Variants in TRPC3 observed in about 807,000 individuals in gnomAD.
TRPC3 encodes transient receptor potential cation channel subfamily C member 3, also known as short transient receptor potential channel 3.
Under a neutral mutation model 90.9 loss-of-function variants are expected in TRPC3, and 54 were observed. That is an observed-to-expected ratio of 0.59 (90% CI 0.48 to 0.75). TRPC3 has a LOEUF of 0.75. Among genes scored for constraint, TRPC3 ranks in the 30% least tolerant of loss-of-function variants. The pLI, the probability that TRPC3 is intolerant of heterozygous loss-of-function variation, is 0.00. For missense variants in TRPC3, 918 were observed against 1,194.5 expected, an observed-to-expected ratio of 0.77 and a Z score of 3.41; for synonymous variants, 424 against 450.9, an observed-to-expected ratio of 0.94 and a Z score of 0.75.
At chr4:121,914,384 C>T (rs1010551565) in intron 4 of TRPC3, among the ~76,000 whole-genome samples, 1 of 152,216 alleles carries the variant, frequency 6.6e-6, no homozygotes, top group Non-Finnish European at 1.5e-5. Context: ...TAGTTCCCAG[C>T]GTAACTGTTT....
intron 3 of TRPC3, among the ~76,000 whole-genome samples, chr4:121,919,200 C>T (rs574308142): frequency 7.9e-5 from 12 of 152,212 alleles, no homozygotes; most frequent in South Asian, 4.2e-4. Flanking sequence ...TCAGGGCAGG[C>T]TAGGGAAAAC....
chr4:121,923,210 A>G (rs1204298459), intron 3 of TRPC3, among the ~76,000 whole-genome samples: 1 of 152,132 alleles, frequency 6.6e-6, no homozygotes, highest in African/African-American at 2.4e-5. Flanking sequence ...CAGGATGCAG[A>G]GCATCCTTTC....
intron 5 of TRPC3, 139 bp from the exon 6 acceptor site, chr4:121,910,526 A>G (rs1320652276): frequency 1.5e-6 from 1 of 680,192 alleles, no homozygotes; most frequent in Non-Finnish European, 2.5e-6. Context: ...TGACTGACTG[A>G]CTGTATGGTC....
At chr4:121,897,201 T>A (rs1384901773) in intron 10 of TRPC3, among the ~76,000 whole-genome samples, 1 of 151,368 alleles carries the variant, frequency 6.6e-6, no homozygotes, top group African/African-American at 2.4e-5. Context: ...GAAAAAAACA[T>A]AGGAGAAATG....
intron 10 of TRPC3, among the ~76,000 whole-genome samples, chr4:121,890,230 G>A (rs1234948240): frequency 6.6e-6 from 1 of 152,108 alleles, no homozygotes; most frequent in Non-Finnish European, 1.5e-5. Flanking sequence ...GATAGAAGAA[G>A]TAATTTAAGG....
intron 10 of TRPC3, among the ~76,000 whole-genome samples, chr4:121,888,201 G>A (rs987190954): frequency 1.3e-5 from 2 of 152,028 alleles, no homozygotes; most frequent in Non-Finnish European, 2.9e-5. Context: ...GTGGCCCCTT[G>A]GGGCATATTT....
At position 121,940,204 on chromosome 4, in the gene TRPC3, A is replaced by G. The variant is rs71606242; in HGVS notation, c.216-7162T>C. Among the ~76,000 whole-genome samples the G allele has an allele frequency of 9.4e-3, 1,430 of 152,270 alleles. 15 individuals are homozygous for G. Among genetic ancestry groups the G allele is most frequent in the Non-Finnish European group, 0.011 (747 of 68,008 alleles). Reference sequence around the variant, plus strand: ...TCCTAACTGACCAAATCCCTGCCAAATGTAGAGCAAGCCTTCCCTCCTTGT... The same window carrying G: ...TCCTAACTGACCAAATCCCTGCCAAGTGTAGAGCAAGCCTTCCCTCCTTGT... On this transcript the variant is annotated intron_variant, in intron 1 of 11. Coordinates refer to ENST00000379645, the MANE Select transcript of TRPC3 (RefSeq NM_001130698.2).
intron 10 of TRPC3, among the ~76,000 whole-genome samples, chr4:121,888,793 C>T (rs1469791053): frequency 6.6e-6 from 1 of 152,174 alleles, no homozygotes; most frequent in East Asian, 1.9e-4. Context: ...TATTATTACT[C>T]ATTGTTATGA....
At chr4:121,939,057 C>T (rs766803722) in intron 1 of TRPC3, among the ~76,000 whole-genome samples, 52 of 152,134 alleles carry the variant, frequency 3.4e-4, no homozygotes, top group Non-Finnish European at 4.1e-4. Flanking sequence ...TACTCCCGTA[C>T]TATTAAGGAC....
intron 2 of TRPC3, among the ~76,000 whole-genome samples, chr4:121,930,517 C>A (rs553341543): frequency 6.6e-6 from 1 of 152,206 alleles, no homozygotes; most frequent in South Asian, 2.1e-4. Context: ...ATAACAAATT[C>A]TCTTACCATG....
chr4:121,910,425 A>G lies in TRPC3; in HGVS notation c.1559-38T>C, dbSNP rs371012690. The G allele has an allele frequency of 1.6e-5, 25 of 1,543,494 alleles. No individual in the cohort carries two copies. In the African/African-American group the frequency reaches 2.4e-4, roughly 15 times the overall value. ...ATACAGAGGGTGCAGGTCAGATTTT[A>G]CAGGCCAGACTGAGAAGCCATTATT... On this transcript the variant is annotated intron_variant, in intron 5 of 11. Transcript: ENST00000379645.
At chr4:121,929,622 T>C (rs1211092812) in intron 2 of TRPC3, among the ~76,000 whole-genome samples, 2 of 152,200 alleles carry the variant, frequency 1.3e-5, no homozygotes, top group African/African-American at 4.8e-5. Flanking sequence ...CATTAATTTA[T>C]CTAAATCTGT....
chr4:121,902,897 C>T lies in TRPC3; in HGVS notation c.2418G>A (p.Arg806=), dbSNP rs11732666. The change falls in exon 9 of 12, where the codon AGG becomes AGA. Residue 806 remains arginine (R), a synonymous_variant. Transcript: ENST00000379645. ...IVNFPKCRRR[R]LQKDIEMGMG... is the part of the protein sequence containing the mutation. ...TTCCCATTTCTATATCCTTCTGAAG[C>T]CTTCTCCTTCTGCATTTGGGAAAGT... The T allele has an allele frequency of 0.34, 549,634 of 1,612,158 alleles. 96,867 individuals carry two copies. The highest frequency in any genetic ancestry group is 0.48 in the East Asian group (21,498 of 44,724).
intron 1 of TRPC3, among the ~76,000 whole-genome samples, chr4:121,938,418 G>A (rs1466299166): frequency 1.3e-5 from 2 of 152,170 alleles, no homozygotes; most frequent in African/African-American, 2.4e-5. Flanking sequence ...GCTTTGGAAT[G>A]TTTCTTGTAC....
chr4:121,921,340 G>C (rs1729496758), intron 3 of TRPC3, among the ~76,000 whole-genome samples: 1 of 151,604 alleles, frequency 6.6e-6, no homozygotes, highest in Admixed American at 6.6e-5. Context: ...GGCTAAAACG[G>C]TGAAACCCCG....
At chr4:121,933,667 G>A (rs1730032935) in intron 1 of TRPC3, among the ~76,000 whole-genome samples, 1 of 151,962 alleles carries the variant, frequency 6.6e-6, no homozygotes. Context: ...CCAAGCTAGA[G>A]TGCAGTGGCA....
At position 121,878,373 on chromosome 4, in the gene TRPC3, G is replaced by C. The variant is rs377459974; in HGVS notation, c.*1363C>G. ...ATGATTTTAAAGTAGCATGTATTTA[G>C]TTGGTTTTAAGGACCTCTGAAAATC... On this transcript the variant is annotated 3_prime_UTR_variant, in exon 12 of 12. Transcript: ENST00000379645. Among the ~76,000 whole-genome samples, 1 of 152,132 alleles carries C rather than the reference G, an allele frequency of 6.6e-6. No homozygotes were observed. Among genetic ancestry groups the C allele is most frequent in the African/African-American group, 2.4e-5 (1 of 41,420 alleles).
At position 121,952,053 on chromosome 4, in the gene TRPC3, C is replaced by G. The variant is rs1210732442; in HGVS notation, c.-373G>C. 8.2e-6 allele frequency among the ~76,000 whole-genome samples: 1 copy of G among 122,108 alleles called. No individual in the cohort carries two copies. The highest frequency in any genetic ancestry group is 1.6e-5 in the Non-Finnish European group (1 of 62,042). The allele number at this position is 122,108 out of a possible 152,430, so 80.1% of individuals were successfully genotyped here. On this transcript the variant is annotated 5_prime_UTR_variant, in exon 1 of 12. Coordinates refer to ENST00000379645, the MANE Select transcript of TRPC3 (RefSeq NM_001130698.2). The stretch of plus-strand genomic sequence containing the variant: ...ACAGCATCACTTGCTAGGACAGCAT[C>G]GTTACTCAGGGAGAAGGAGAGGGAG...
intron 3 of TRPC3, 81 bp from the exon 4 acceptor site, chr4:121,915,025 A>G: frequency 8.2e-7 from 1 of 1,220,408 alleles, no homozygotes; most frequent in Non-Finnish European, 1.1e-6. Context: ...TATTAAATAC[A>G]CATGCATCCT....
Sources: allele counts gnomAD v4.1 joint callset (sites outside exome capture counted in the v4.1 genomes callset), GRCh38; gene constraint gnomAD v4.1.1; transcripts MANE v1.5; gene names NCBI Gene and HGNC (gene_info 2026-07-23, HGNC 2026-07-21).